ZNF174: variants seen among roughly 807,000 people sequenced by gnomAD.
ZNF174 encodes the protein zinc finger protein 174.
In ZNF174, 30 loss-of-function variants were observed where a neutral mutation model predicts 38.7. The observed-to-expected ratio is 0.78, with a 90% CI of 0.58 to 1.05. ZNF174 has a LOEUF of 1.05. Ranked by LOEUF, ZNF174 falls within the 50% of genes least tolerant of loss-of-function variation. The pLI is 0.00. For synonymous variants in ZNF174, 201 were observed against 181.7 expected, an observed-to-expected ratio of 1.11 and a Z score of -0.86; for missense variants, 499 against 495.6, an observed-to-expected ratio of 1.01 and a Z score of -0.06.
intron 1 of ZNF174, among the ~76,000 whole-genome samples, chr16:3,402,975 G>T (rs180857869): frequency 2.0e-5 from 3 of 152,110 alleles, no homozygotes; most frequent in Admixed American, 2.0e-4. Flanking sequence ...GTCACCAGAA[G>T]TAATTGTAAG....
At position 3,404,482 on chromosome 16, in the gene ZNF174, T is replaced by G; in HGVS notation, c.459T>G (p.Leu153=). The G allele has an allele frequency of 6.2e-7, 1 of 1,612,548 alleles. No homozygotes were observed. The highest frequency in any genetic ancestry group is 8.5e-7 in the Non-Finnish European group (1 of 1,178,684). ...KVLLEKTGSQ[L]GEQELPDFQP... is the part of the protein sequence containing the mutation. ...TCTTGGAGAAAACTGGATCTCAGCTTGGAGAACAGGAACTGCCAGACTTTC... is the reference window on the plus strand; with the variant it reads ...TCTTGGAGAAAACTGGATCTCAGCTGGGAGAACAGGAACTGCCAGACTTTC... The change falls in exon 2 of 3, where the codon CTT becomes CTG. Residue 153 remains leucine, a synonymous_variant. Coordinates refer to ENST00000268655, the MANE Select transcript of ZNF174 (RefSeq NM_003450.3).
intron 2 of ZNF174, among the ~76,000 whole-genome samples, 164 bp from the exon 3 acceptor site, chr16:3,408,157 G>T (rs1320808778): frequency 2.0e-5 from 3 of 152,136 alleles, no homozygotes; most frequent in Non-Finnish European, 4.4e-5. Flanking sequence ...CAGCTCTGGG[G>T]GAAGGGTGAA....
intron 1 of ZNF174, among the ~76,000 whole-genome samples, chr16:3,403,390 C>T (rs1208172233): frequency 6.6e-6 from 1 of 151,322 alleles, no homozygotes; most frequent in Non-Finnish European, 1.5e-5. Context: ...AGGCTAGTCT[C>T]GAACTCCTGA....
At chr16:3,405,029 C>T (rs754057877) in intron 2 of ZNF174, 2 of 1,603,950 alleles carry the variant, frequency 1.2e-6, no homozygotes, top group Non-Finnish European at 1.7e-6. Flanking sequence ...AAATAAAAAC[C>T]CACCCTATAT....
Position 3,404,625 on chromosome 16 carries a change from C to G in ZNF174, c.602C>G (p.Pro201Arg). ...GAGAAATCCCCACTCCTCCAAGAAC[C>G]AACCCCCAAATTGGCTGGGACAGGT... ...HWEKSPLLQE[P>R]TPKLAGTEAP... The change falls in exon 2 of 3, where the codon CCA (proline) becomes CGA (arginine). Residue 201 changes from proline (P) to arginine (R), a missense_variant. Physicochemically the swap from Pro to Arg is moderately radical, Grantham distance 103. Transcript: ENST00000268655. The G allele has an allele frequency of 6.2e-7, 1 of 1,614,234 alleles. No homozygotes were observed. The highest frequency in any genetic ancestry group is 1.3e-5 in the African/African-American group (1 of 75,058).
rs547140788 is a variant in ZNF174 at position 3,405,544 on chromosome 16, G to C, written c.625+896G>C. ...GAAGGCACTAATCCCATTCCAGTGA[G>C]GGCAGCACCCTCATGACCTAATCAC... On this transcript the variant is annotated intron_variant, in intron 2 of 2. Transcript: ENST00000268655. Among the ~76,000 whole-genome samples the C allele has an allele frequency of 5.3e-5, 8 of 152,248 alleles. 1 individual carries two copies. In the South Asian group the frequency reaches 1.2e-3, roughly 24 times the overall value.
intron 2 of ZNF174, chr16:3,405,117 C>A (rs2034037091): frequency 6.9e-7 from 1 of 1,440,128 alleles, no homozygotes; most frequent in South Asian, 1.4e-5. Flanking sequence ...TGGTGTGATA[C>A]TTGTGTAACT....
intron 2 of ZNF174, chr16:3,405,121 T>C: frequency 2.1e-6 from 3 of 1,436,860 alleles, no homozygotes; most frequent in Non-Finnish European, 1.8e-6. Flanking sequence ...GTGATACTTG[T>C]GTAACTGCTG....
Position 3,401,847 on chromosome 16 carries a change from G to T in ZNF174, c.-158G>T. The T allele has an allele frequency of 3.4e-6, 3 of 893,564 alleles. No individual in the cohort carries two copies. Among genetic ancestry groups the T allele is most frequent in the Non-Finnish European group, 5.0e-6 (3 of 594,706 alleles). The allele number at this position is 893,564 out of a possible 1,614,324, so 55.4% of individuals were successfully genotyped here. On this transcript the variant is annotated 5_prime_UTR_variant, in exon 1 of 3. Coordinates refer to ENST00000268655, the MANE Select transcript of ZNF174 (RefSeq NM_003450.3). ...GTTGTCTTGAGTTTGGCTAGTAAAG[G>T]CTAGCAAGTGAGGCTTTGTCTCTGC...
chr16:3,402,467 TTC>T, intron 1 of ZNF174, 61 bp downstream of exon 1: 1 of 1,522,764 alleles, frequency 6.6e-7, no homozygotes, highest in South Asian at 1.2e-5. Context: ...TTTTTTTTTT[TTC>T]TTTTTTTGAG....
chr16:3,402,386 T>TC lies in ZNF174; in HGVS notation c.384dup (p.Lys129GlnfsTer39). On this transcript the variant is annotated frameshift_variant, in exon 1 of 3. Transcript: ENST00000268655. LOFTEE classifies it high-confidence loss of function. ...CCTCGTGGAAGATTTTCACAGAGCA[T>TC]CCAAGAAACCAAAGCAGTGGGTAAG... The TC allele has an allele frequency of 6.2e-7, 1 of 1,613,646 alleles. No homozygotes were observed. Among genetic ancestry groups the TC allele is most frequent in the Non-Finnish European group, 8.5e-7 (1 of 1,179,912 alleles).
In ZNF174 at chr16:3,402,173, G is replaced by A. The variant is rs2033928612; in HGVS notation, c.169G>A (p.Val57Met). ...QSFRRFCYQE[V>M]SGPQEALSQL... ...CTTCAGACGCTTTTGTTATCAAGAGGTGTCTGGACCCCAAGAGGCTCTCTC... is the reference window on the plus strand; with the variant it reads ...CTTCAGACGCTTTTGTTATCAAGAGATGTCTGGACCCCAAGAGGCTCTCTC... Residue 57 changes from valine (V) to methionine (M), a missense_variant, in exon 1 of 3, where the codon GTG becomes ATG. Transcript: ENST00000268655. The A allele has an allele frequency of 9.3e-6, 15 of 1,613,066 alleles. No homozygotes were observed. Among genetic ancestry groups the A allele is most frequent in the Non-Finnish European group, 1.3e-5 (15 of 1,179,108 alleles).
chr16:3,404,317 T>C, intron 1 of ZNF174, 109 bp from the exon 2 acceptor site: 1 of 1,133,380 alleles, frequency 8.8e-7, no homozygotes, highest in South Asian at 1.6e-5. Flanking sequence ...AGTTGACCTC[T>C]AGATGGTTAT....
At position 3,408,956 on chromosome 16, in the gene ZNF174, G is replaced by A. The variant is rs2034091588; in HGVS notation, c.*37G>A. On this transcript the variant is annotated 3_prime_UTR_variant, in exon 3 of 3. Transcript: ENST00000268655. The stretch of plus-strand genomic sequence containing the variant: ...CATGCTTTAGATTCACACGGAAGGT[G>A]TTTGTGTTTCTCCTCCCCCTTACTT... The A allele has an allele frequency of 1.3e-6, 2 of 1,544,080 alleles. No individual in the cohort carries two copies. Among genetic ancestry groups the A allele is most frequent in the African/African-American group, 2.8e-5 (2 of 72,618 alleles).
intron 2 of ZNF174, chr16:3,404,901 C>G: frequency 1.9e-6 from 3 of 1,613,102 alleles, no homozygotes; most frequent in Non-Finnish European, 2.5e-6. Context: ...CTTTTCTGTC[C>G]GTTTCAGAAC....
rs201180981 is a variant in ZNF174 at position 3,408,338 on chromosome 16, A to C, written c.643A>C (p.Ser215Arg). 55 of 1,587,614 alleles carry C rather than the reference A, an allele frequency of 3.5e-5. No homozygotes were observed. The East Asian group carries it at 1.2e-3, about 34-fold the overall frequency. The change falls in exon 3 of 3, where the codon AGT becomes CGT. Residue 215 changes from serine to arginine, a missense_variant. Transcript: ENST00000268655. ...LAGTEAPRMR[S>R]DNKENPQQEG... Reference sequence around the variant, plus strand: ...AATTATAGAGGCCCCCAGAATGAGAAGTGACAACAAGGAAAATCCACAACA... The same window carrying C: ...AATTATAGAGGCCCCCAGAATGAGACGTGACAACAAGGAAAATCCACAACA...
intron 2 of ZNF174, among the ~76,000 whole-genome samples, chr16:3,406,239 T>C (rs1437477713): frequency 6.6e-6 from 1 of 152,262 alleles, no homozygotes; most frequent in Non-Finnish European, 1.5e-5. Context: ...TTGGTTATTA[T>C]GAAGAATGCT....
Position 3,404,483 on chromosome 16 carries a change from G to A in ZNF174, c.460G>A (p.Gly154Arg), listed in dbSNP as rs1336633690. 2.5e-6 allele frequency: 4 copies of A among 1,612,482 alleles called. No homozygotes were observed. Among genetic ancestry groups the A allele is most frequent in the Non-Finnish European group, 3.4e-6 (4 of 1,178,712 alleles). ...VLLEKTGSQL[G>R]EQELPDFQPQ... ...CTTGGAGAAAACTGGATCTCAGCTT[G>A]GAGAACAGGAACTGCCAGACTTTCA... is the stretch of plus-strand genomic sequence containing the variant. The change falls in exon 2 of 3, where the codon GGA becomes AGA. Residue 154 changes from glycine to arginine, a missense_variant. Coordinates refer to ENST00000268655, the MANE Select transcript of ZNF174 (RefSeq NM_003450.3).
At chr16:3,404,840 T>C (rs1596257083) in intron 2 of ZNF174, 192 bp downstream of exon 2, 2 of 1,590,930 alleles carry the variant, frequency 1.3e-6, no homozygotes, top group African/African-American at 2.7e-5. Flanking sequence ...GTTTTTATCG[T>C]TTTCTGTTAA....
Sources: allele counts gnomAD v4.1 joint callset (sites outside exome capture counted in the v4.1 genomes callset), GRCh38; gene constraint gnomAD v4.1.1; transcripts MANE v1.5; gene names NCBI Gene and HGNC (gene_info 2026-07-23, HGNC 2026-07-21).